The following LRRIQ1 variants were observed in gnomAD, a reference collection of about 807,000 sequenced individuals.
LRRIQ1 encodes leucine rich repeats and IQ motif containing 1.
In LRRIQ1, 210 loss-of-function variants were observed where a neutral mutation model predicts 211.9. The observed-to-expected ratio is 0.99, with a 90% CI of 0.89 to 1.11. LRRIQ1 has a LOEUF of 1.11. Among genes scored for constraint, LRRIQ1 ranks in the 50% most tolerant of loss-of-function variants. The pLI, the probability that LRRIQ1 is intolerant of heterozygous loss-of-function variation, is 0.00. For missense variants in LRRIQ1, 2,136 were observed against 1,939.5 expected, an observed-to-expected ratio of 1.10 and a Z score of -1.90; for synonymous variants, 699 against 650.1, an observed-to-expected ratio of 1.08 and a Z score of -1.14.
In LRRIQ1 at chr12:85,073,109, T is replaced by C; in HGVS notation, c.2887+11T>C. 1 of 1,564,184 alleles carries C rather than the reference T, an allele frequency of 6.4e-7. No homozygotes were observed. The highest frequency in any genetic ancestry group is 8.7e-7 in the Non-Finnish European group (1 of 1,144,278). On this transcript the variant is annotated intron_variant, in intron 11 of 26. Coordinates refer to ENST00000393217, the MANE Select transcript of LRRIQ1 (RefSeq NM_001079910.2). The stretch of plus-strand genomic sequence containing the variant: ...ACTTATACTGGAATTGTAAGTTGTG[T>C]TTATTTTTTATTTTGTTACTCTTTA...
chr12:85,040,436 C>T (rs918162742), intron 2 of LRRIQ1, 54 bp from the exon 3 acceptor site: 1 of 1,107,278 alleles, frequency 9.0e-7, no homozygotes, highest in Non-Finnish European at 1.3e-6. Flanking sequence ...AAATTTGACA[C>T]ATAATTTTGA....
downstream of LRRIQ1, among the ~76,000 whole-genome samples, chr12:85,265,138 TGAAGTTTA>T (rs1366979821): frequency 2.6e-5 from 4 of 152,066 alleles, no homozygotes; most frequent in Admixed American, 2.6e-4. Context: ...AATACTGACA[TGAAGTTTA>T]GACAAATAAC....
intron 24 of LRRIQ1, among the ~76,000 whole-genome samples, chr12:85,212,104 T>A (rs1893863746): frequency 6.6e-6 from 1 of 151,848 alleles, no homozygotes; most frequent in African/African-American, 2.4e-5. Flanking sequence ...CCGTCTCTAC[T>A]AAAACTACAA....
chr12:85,261,634 A>G (rs1370571775), intron 1 of LRRIQ1, among the ~76,000 whole-genome samples: 1 of 152,134 alleles, frequency 6.6e-6, no homozygotes, highest in South Asian at 2.1e-4. Context: ...GCCTCAAGCC[A>G]GTACTGAGGA....
chr12:85,109,148 T>C (rs1021036692), intron 15 of LRRIQ1, among the ~76,000 whole-genome samples: 12 of 152,136 alleles, frequency 7.9e-5, no homozygotes, highest in African/African-American at 2.4e-4. Context: ...ATGTTTAAAA[T>C]TCCCATATCT....
chr12:85,185,225 A>C (rs1339558632), intron 24 of LRRIQ1, among the ~76,000 whole-genome samples: 1 of 151,936 alleles, frequency 6.6e-6, no homozygotes, highest in African/African-American at 2.4e-5. Flanking sequence ...CTTCAGATGA[A>C]TGTTGAACTA....
At chr12:85,267,921 A>G (rs1480859952), downstream of LRRIQ1, among the ~76,000 whole-genome samples, 4 of 152,034 alleles carry the variant, frequency 2.6e-5, no homozygotes, top group East Asian at 7.7e-4. Flanking sequence ...CATTAAGTTC[A>G]GATTAATGTA....
chr12:85,265,196 A>G (rs779296744), downstream of LRRIQ1, among the ~76,000 whole-genome samples: 2 of 152,058 alleles, frequency 1.3e-5, no homozygotes, highest in African/African-American at 2.4e-5. Flanking sequence ...ATTTTACTCT[A>G]GTGTGCTATA....
At chr12:85,212,220 G>A (rs1389345861) in intron 24 of LRRIQ1, among the ~76,000 whole-genome samples, 1 of 152,110 alleles carries the variant, frequency 6.6e-6, no homozygotes, top group East Asian at 1.9e-4. Context: ...AGGAGATGGA[G>A]GCTGCAGATG....
chr12:85,074,671 C>A (rs2136120402), intron 11 of LRRIQ1, among the ~76,000 whole-genome samples: 1 of 151,964 alleles, frequency 6.6e-6, no homozygotes, highest in South Asian at 2.1e-4. Flanking sequence ...ATAAGAAAAT[C>A]TTTCATGTTG....
intron 10 of LRRIQ1, among the ~76,000 whole-genome samples, chr12:85,070,645 A>G (rs1307914444): frequency 1.3e-5 from 2 of 151,768 alleles, no homozygotes; most frequent in Non-Finnish European, 2.9e-5. Context: ...GAAAATATAC[A>G]TTTTTACAGC....
intron 24 of LRRIQ1, among the ~76,000 whole-genome samples, chr12:85,201,258 T>C (rs1359822317): frequency 2.0e-5 from 3 of 151,516 alleles, no homozygotes; most frequent in East Asian, 1.9e-4. Context: ...TTTTTTTTTT[T>C]TCAATAATGT....
At chr12:85,194,540 CA>C (rs202144872) in intron 24 of LRRIQ1, among the ~76,000 whole-genome samples, 2,544 of 150,552 alleles carry the variant, frequency 0.017, 68 homozygotes, top group African/African-American at 0.06. Context: ...CGCTCAACTA[CA>C]TGGAAACTGA....
downstream of LRRIQ1, chr12:85,245,188 G>T: frequency 2.3e-6 from 1 of 426,856 alleles, no homozygotes; most frequent in Non-Finnish European, 3.7e-6. Flanking sequence ...TGAATTCTTT[G>T]ATCATTTAAT....
At chr12:85,071,111 A>C (rs1374333535) in intron 10 of LRRIQ1, among the ~76,000 whole-genome samples, 1 of 151,920 alleles carries the variant, frequency 6.6e-6, no homozygotes, top group Non-Finnish European at 1.5e-5. Flanking sequence ...TGAAAACTAC[A>C]TTAAAAAAGC....
chr12:85,061,916 A>G (rs956384444), intron 8 of LRRIQ1, among the ~76,000 whole-genome samples: 1 of 151,770 alleles, frequency 6.6e-6, no homozygotes. Flanking sequence ...TATTTATCTG[A>G]AGTTTTAATT....
chr12:85,165,894 C>T (rs1027090380), intron 24 of LRRIQ1, among the ~76,000 whole-genome samples: 2 of 152,076 alleles, frequency 1.3e-5, no homozygotes, highest in Non-Finnish European at 2.9e-5. Context: ...ACTAGTGCCG[C>T]GATGTACATA....
chr12:85,185,935 A>G (rs2136910450), intron 24 of LRRIQ1, among the ~76,000 whole-genome samples: 1 of 152,110 alleles, frequency 6.6e-6, no homozygotes, highest in South Asian at 2.1e-4. Context: ...ATGATAAGTA[A>G]CTGATAAAAT....
At chr12:85,204,352 A>C (rs1231641663) in intron 24 of LRRIQ1, among the ~76,000 whole-genome samples, 1 of 152,216 alleles carries the variant, frequency 6.6e-6, no homozygotes, top group African/African-American at 2.4e-5. Flanking sequence ...CAGAGTCCCC[A>C]CACAGAGCCC....
Sources: allele counts gnomAD v4.1 joint callset (sites outside exome capture counted in the v4.1 genomes callset), GRCh38; gene constraint gnomAD v4.1.1; transcripts MANE v1.5; gene names NCBI Gene and HGNC (gene_info 2026-07-23, HGNC 2026-07-21).